The following KLHL40 variants were observed in gnomAD, a reference collection of about 807,000 sequenced individuals.
KLHL40 encodes the protein kelch like family member 40, also known as kelch-like protein 40.
Under a neutral mutation model 49.7 loss-of-function variants are expected in KLHL40, and 44 were observed. That is an observed-to-expected ratio of 0.89 (90% CI 0.70 to 1.14). The LOEUF (loss-of-function observed/expected upper bound fraction) is 1.14, where lower values mean the gene tolerates loss of function less well. KLHL40 is among the 50% of genes most tolerant of loss of function. The pLI is 0.00. For synonymous variants in KLHL40, 409 were observed against 365.2 expected (o/e 1.12, Z -1.37); for missense variants, 892 against 850.3 (o/e 1.05, Z -0.61).
Position 42,688,922 on chromosome 3 carries a change from A to T in KLHL40, c.1475A>T (p.Glu492Val). ...VYDPKKFEWK[E>V]LAPMQTARSL... ...GACCCCAAGAAGTTTGAGTGGAAGG[A>T]GCTGGCACCCATGCAGACCGCCCGC... Residue 492 changes from glutamate to valine, a missense_variant, in exon 4 of 6, where the codon GAG becomes GTG. By Grantham distance (121) the Glu-to-Val change is moderately radical. Transcript: ENST00000287777. This position sits in a 1 kb window ranked among gnomAD's most constrained non-coding sequence, Gnocchi z 4.2. The T allele has an allele frequency of 6.2e-7, 1 of 1,614,154 alleles. No individual in the cohort carries two copies. The highest frequency in any genetic ancestry group is 1.6e-4 in the Middle Eastern group (1 of 6,062).
chr3:42,688,872 G>T lies in KLHL40; in HGVS notation c.1425G>T (p.Lys475Asn). Residue 475 changes from lysine to asparagine, a missense_variant, in exon 4 of 6, where the codon AAG (lysine) becomes AAT (asparagine). Transcript: ENST00000287777. This position sits in a 1 kb window ranked among gnomAD's most constrained non-coding sequence, Gnocchi z 4.2. ...YVIGGKGSDR[K>N]CLNKMCVYDP... ...ATCCCCACCCTCCACCCCACAGGAAGTGCCTGAACAAGATGTGCGTCTATG... is the reference window on the plus strand; with the variant it reads ...ATCCCCACCCTCCACCCCACAGGAATTGCCTGAACAAGATGTGCGTCTATG... 1 of 1,613,552 alleles carries T rather than the reference G, an allele frequency of 6.2e-7. No homozygotes were observed. The highest frequency in any genetic ancestry group is 8.5e-7 in the Non-Finnish European group (1 of 1,179,568).
Position 42,692,515 on chromosome 3 carries a change from G to T in KLHL40, c.*522G>T. 1.5e-6 allele frequency: 1 copy of T among 656,758 alleles called. No homozygotes were observed. The highest frequency in any genetic ancestry group is 3.1e-5 in the Admixed American group (1 of 32,166). 40.7% of individuals were successfully genotyped at this position (656,758 alleles called of 1,614,324 possible). On this transcript the variant is annotated 3_prime_UTR_variant, in exon 6 of 6. Coordinates refer to ENST00000287777, the MANE Select transcript of KLHL40 (RefSeq NM_152393.4). ...AGTGTTCTGCTGTTGGGCTGCCAAG[G>T]TCGATGGTCTCTGCTCTCCATCTGG... is the stretch of plus-strand genomic sequence containing the variant.
Position 42,690,989 on chromosome 3 carries a change from C to A in KLHL40, c.1738C>A (p.Leu580Ile), listed in dbSNP as rs149980411. Residue 580 changes from leucine (L) to isoleucine (I), a missense_variant, in exon 5 of 6, where the codon CTC (leucine) becomes ATC (isoleucine). By Grantham distance (5) the Leu-to-Ile change is conservative (BLOSUM62 2). Coordinates refer to ENST00000287777, the MANE Select transcript of KLHL40 (RefSeq NM_152393.4). Reference sequence around the variant, plus strand: ...GTCTGGAGAGCTGGTTCCCACAGAGCTCAATGACATCTGGAGGTGAGTCCC... The same window carrying A: ...GTCTGGAGAGCTGGTTCCCACAGAGATCAATGACATCTGGAGGTGAGTCCC... ...TESGELVPTE[L>I]NDIWRYNEEE... is the part of the protein sequence containing the mutation. 2,743 of 1,610,860 alleles carry A rather than the reference C, an allele frequency of 1.7e-3. 47 individuals are homozygous for A. The South Asian group carries it at 0.024, about 14-fold the overall frequency.
In KLHL40 at chr3:42,692,155, T is replaced by G; in HGVS notation, c.*162T>G. 3.3e-6 allele frequency: 2 copies of G among 610,128 alleles called. No homozygotes were observed. Among genetic ancestry groups the G allele is most frequent in the Non-Finnish European group, 5.9e-6 (2 of 336,704 alleles). The allele number at this position is 610,128 out of a possible 1,614,324, so 37.8% of individuals were successfully genotyped here. On this transcript the variant is annotated 3_prime_UTR_variant, in exon 6 of 6. Coordinates refer to ENST00000287777, the MANE Select transcript of KLHL40 (RefSeq NM_152393.4). Reference sequence around the variant, plus strand: ...TCAGCCAAGGAAAGGGAAGTGCTGCTTAGTCCTGGACTTTTGGGCAAGGGT... The same window carrying G: ...TCAGCCAAGGAAAGGGAAGTGCTGCGTAGTCCTGGACTTTTGGGCAAGGGT...
chr3:42,691,120 T>TAGAAGAGGGATC, intron 5 of KLHL40, 115 bp downstream of exon 5: 1 of 1,055,990 alleles, frequency 9.5e-7, no homozygotes, highest in Non-Finnish European at 1.3e-6. Context: ...AGCGGATCCC[T>TAGAAGAGGGATC]CTTCTAGGGA....
chr3:42,686,347 C>A lies in KLHL40; in HGVS notation c.729C>A (p.Leu243=), dbSNP rs981730572. ...FLESRVERHP[L]VRAQPELLRK... ...AAAGCCGCGTGGAGCGCCACCCTCT[C>A]GTGCGTGCCCAGCCCGAGTTGCTGC... The change falls in exon 1 of 6, where the codon CTC becomes CTA. Residue 243 remains leucine (L), a synonymous_variant. Coordinates refer to ENST00000287777, the MANE Select transcript of KLHL40 (RefSeq NM_152393.4). 7.4e-6 allele frequency: 12 copies of A among 1,612,470 alleles called. No individual in the cohort carries two copies. In the East Asian group the frequency reaches 2.0e-4, roughly 27 times the overall value.
rs192743070 is a variant in KLHL40 at position 42,691,445 on chromosome 3, A to C, written c.1755-437A>C. Among the ~76,000 whole-genome samples, 160 of 152,160 alleles carry C rather than the reference A, an allele frequency of 1.1e-3. 1 individual carries two copies. Among genetic ancestry groups the C allele is most frequent in the Admixed American group, 3.3e-3 (51 of 15,280 alleles). ...GGTCCTTTGTGGGGGTGGGAGAAGGAAACTTTAGCCTCTGGGGCATCTCCT... is the reference window on the plus strand; with the variant it reads ...GGTCCTTTGTGGGGGTGGGAGAAGGCAACTTTAGCCTCTGGGGCATCTCCT... On this transcript the variant is annotated intron_variant, in intron 5 of 5. Transcript: ENST00000287777.
At chr3:42,689,962 A>G (rs1697335228) in intron 4 of KLHL40, among the ~76,000 whole-genome samples, 1 of 151,996 alleles carries the variant, frequency 6.6e-6, no homozygotes, top group Non-Finnish European at 1.5e-5. Flanking sequence ...TTAGCTATTG[A>G]TTGGATGTGG....
At chr3:42,687,510 AC>A (rs1337247911) in intron 1 of KLHL40, among the ~76,000 whole-genome samples, 1 of 152,090 alleles carries the variant, frequency 6.6e-6, no homozygotes, top group African/African-American at 2.4e-5. Context: ...GGGCAGCTTC[AC>A]CAGCTACTAG....
chr3:42,685,539 T>G lies in KLHL40; in HGVS notation c.-80T>G. On this transcript the variant is annotated 5_prime_UTR_variant, in exon 1 of 6. Coordinates refer to ENST00000287777, the MANE Select transcript of KLHL40 (RefSeq NM_152393.4). ...TAGCCCCTCGAAGACAGCTGCTCAG[T>G]CTAAGCAAACCCCAGCAGGAAAGCA... The G allele has an allele frequency of 7.0e-7, 1 of 1,436,370 alleles. No individual in the cohort carries two copies. Among genetic ancestry groups the G allele is most frequent in the Non-Finnish European group, 9.3e-7 (1 of 1,070,654 alleles). 89.0% of individuals were successfully genotyped at this position (1,436,370 alleles called of 1,614,324 possible).
At position 42,688,307 on chromosome 3, in the gene KLHL40, G is replaced by A; in HGVS notation, c.1313+5G>A. ...GGTCATGTGCTACGACAGGCTGTGA[G>A]CATGGCTGGGGTGGGGCTGAGCTCC... On this transcript the variant is annotated splice_donor_5th_base_variant and intron_variant, in intron 2 of 5. Coordinates refer to ENST00000287777, the MANE Select transcript of KLHL40 (RefSeq NM_152393.4). The surrounding 1 kb of genome is among the most constrained non-coding windows in gnomAD (Gnocchi z 4.2). 2 of 1,613,826 alleles carry A rather than the reference G, an allele frequency of 1.2e-6. No homozygotes were observed. The highest frequency in any genetic ancestry group is 1.1e-5 in the South Asian group (1 of 91,062).
chr3:42,687,767 C>T (rs564144099), intron 1 of KLHL40, among the ~76,000 whole-genome samples: 1 of 152,004 alleles, frequency 6.6e-6, no homozygotes, highest in Non-Finnish European at 1.5e-5. Context: ...AAGGCAGGGC[C>T]GTATTTGGAA....
Position 42,686,029 on chromosome 3 carries a change from C to G in KLHL40, c.411C>G (p.Phe137Leu), listed in dbSNP as rs1172700221. ...GCCTCTCCAACTGCTTGGCCGTCTT[C>G]CGTCTCGGCCTCCTGCTCGACTGCG... ...RLCLSNCLAV[F>L]RLGLLLDCAR... Residue 137 changes from phenylalanine (F) to leucine (L), a missense_variant, in exon 1 of 6, where the codon TTC becomes TTG. By Grantham distance (22) the Phe-to-Leu change is conservative (BLOSUM62 0). Transcript: ENST00000287777. The G allele has an allele frequency of 6.2e-7, 1 of 1,609,262 alleles. No homozygotes were observed. The highest frequency in any genetic ancestry group is 2.2e-5 in the East Asian group (1 of 44,882).
Position 42,686,052 on chromosome 3 carries a change from G to A in KLHL40, c.434G>A (p.Cys145Tyr), listed in dbSNP as rs770202140. The change falls in exon 1 of 6, where the codon TGC becomes TAC. Residue 145 changes from cysteine (C) to tyrosine (Y), a missense_variant. By Grantham distance (194) the Cys-to-Tyr change is radical. Coordinates refer to ENST00000287777, the MANE Select transcript of KLHL40 (RefSeq NM_152393.4). ...AVFRLGLLLD[C>Y]ARLAVAARDF... ...TTCCGTCTCGGCCTCCTGCTCGACTGCGCGCGTCTCGCCGTGGCTGCCCGC... is the reference window on the plus strand; with the variant it reads ...TTCCGTCTCGGCCTCCTGCTCGACTACGCGCGTCTCGCCGTGGCTGCCCGC... The A allele has an allele frequency of 3.7e-6, 6 of 1,606,580 alleles. No individual in the cohort carries two copies. Among genetic ancestry groups the A allele is most frequent in the Admixed American group, 3.3e-5 (2 of 60,004 alleles).
rs780332509 is a variant in KLHL40 at position 42,686,045 on chromosome 3, C to T, written c.427C>T (p.Leu143Phe). 63 of 1,607,366 alleles carry T rather than the reference C, an allele frequency of 3.9e-5. No individual in the cohort carries two copies. The highest frequency in any genetic ancestry group is 5.1e-5 in the Non-Finnish European group (60 of 1,179,956). Residue 143 changes from leucine (L) to phenylalanine (F), a missense_variant, in exon 1 of 6, where the codon CTC (leucine) becomes TTC (phenylalanine). By Grantham distance (22) the Leu-to-Phe change is conservative (BLOSUM62 0). Transcript: ENST00000287777. ...GGCCGTCTTCCGTCTCGGCCTCCTG[C>T]TCGACTGCGCGCGTCTCGCCGTGGC... Reference protein sequence around the residue: ...CLAVFRLGLLLDCARLAVAAR... With the variant: ...CLAVFRLGLLFDCARLAVAAR...
chr3:42,688,283 G>A lies in KLHL40; in HGVS notation c.1294G>A (p.Val432Ile). ...IKDGERCLDS[V>I]MCYDRLSFKW... ...GGACGGCGAGCGCTGCCTGGACTCGGTCATGTGCTACGACAGGCTGTGAGC... is the reference window on the plus strand; with the variant it reads ...GGACGGCGAGCGCTGCCTGGACTCGATCATGTGCTACGACAGGCTGTGAGC... Residue 432 changes from valine to isoleucine, a missense_variant, in exon 2 of 6, where the codon GTC becomes ATC. Physicochemically the swap from Val to Ile is conservative, Grantham distance 29 (BLOSUM62 3). Transcript: ENST00000287777. The surrounding 1 kb of genome is among the most constrained non-coding windows in gnomAD (Gnocchi z 4.2). 6.2e-7 allele frequency: 1 copy of A among 1,613,976 alleles called. No individual in the cohort carries two copies. Among genetic ancestry groups the A allele is most frequent in the Admixed American group, 1.7e-5 (1 of 60,020 alleles).
chr3:42,685,780 C>T lies in KLHL40; in HGVS notation c.162C>T (p.Cys54=), dbSNP rs753090064. 1.2e-6 allele frequency: 2 copies of T among 1,612,260 alleles called. No individual in the cohort carries two copies. The highest frequency in any genetic ancestry group is 1.7e-6 in the Non-Finnish European group (2 of 1,179,606). ...GCCATCGCCTGGTGCTGGCCGCCTG[C>T]AGCCCCTACTTCCGGGCGCGCTTTC... ...FPCHRLVLAA[C]SPYFRARFLA... Residue 54 remains cysteine, a synonymous_variant, in exon 1 of 6, where the codon TGC becomes TGT. Coordinates refer to ENST00000287777, the MANE Select transcript of KLHL40 (RefSeq NM_152393.4).
Position 42,690,984 on chromosome 3 carries a change from C to T in KLHL40, c.1733C>T (p.Thr578Ile). 1 of 1,611,888 alleles carries T rather than the reference C, an allele frequency of 6.2e-7. No homozygotes were observed. The highest frequency in any genetic ancestry group is 8.5e-7 in the Non-Finnish European group (1 of 1,178,862). The change falls in exon 5 of 6, where the codon ACA (threonine) becomes ATA (isoleucine). Residue 578 changes from threonine to isoleucine, a missense_variant. By Grantham distance (89) the Thr-to-Ile change is moderately conservative. Coordinates refer to ENST00000287777, the MANE Select transcript of KLHL40 (RefSeq NM_152393.4). Reference sequence around the variant, plus strand: ...ACGGAGTCTGGAGAGCTGGTTCCCACAGAGCTCAATGACATCTGGAGGTGA... The same window carrying T: ...ACGGAGTCTGGAGAGCTGGTTCCCATAGAGCTCAATGACATCTGGAGGTGA... ...LETESGELVP[T>I]ELNDIWRYNE...
chr3:42,686,824 G>A (rs1233308827), intron 1 of KLHL40, 54 bp downstream of exon 1: 1 of 1,485,216 alleles, frequency 6.7e-7, no homozygotes, highest in Non-Finnish European at 9.1e-7. Flanking sequence ...AGGCACTGTG[G>A]ACAGTCTTGG....
Sources: gnomAD v4.1 joint callset for allele counts (sites outside exome capture counted in the v4.1 genomes callset) on GRCh38, gnomAD v4.1.1 for gene constraint, Gnocchi (gnomAD v3.1) non-coding constraint, MANE v1.5 for transcripts, NCBI Gene and HGNC (gene_info 2026-07-23, HGNC 2026-07-21) for gene names.